Variants in ABCC11 observed in about 807,000 individuals in gnomAD.
The protein encoded by ABCC11 is ATP binding cassette subfamily C member 11.
In ABCC11, 135 loss-of-function variants were observed where a neutral mutation model predicts 149.3. That is an observed-to-expected ratio of 0.90 (90% CI 0.79 to 1.04). ABCC11 has a LOEUF of 1.04. ABCC11 is among the 50% of genes least tolerant of loss of function. ABCC11 has a pLI of 0.00. For synonymous variants in ABCC11, 665 were observed against 671.4 expected (o/e 0.99, Z 0.15); for missense variants, 1,680 against 1,722.1 (o/e 0.98, Z 0.43).
Position 48,232,852 on chromosome 16 carries a change from C to T in ABCC11, c.-18-913G>A, listed in dbSNP as rs538938895. 3.3e-5 allele frequency among the ~76,000 whole-genome samples: 5 copies of T among 152,296 alleles called. No individual in the cohort carries two copies. The South Asian group carries it at 1.0e-3, about 32-fold the overall frequency. On this transcript the variant is annotated intron_variant, in intron 1 of 29. Transcript: ENST00000356608. ...TTTTCATTTTCATTTTCATTTTGCA[C>T]TGTTACCCACAAATTATGTAGTTGG...
intron 1 of ABCC11, among the ~76,000 whole-genome samples, chr16:48,241,338 C>T (rs1970959052): frequency 6.6e-6 from 1 of 152,170 alleles, no homozygotes; most frequent in African/African-American, 2.4e-5. Context: ...TACAAAATAA[C>T]TGACTGATAT....
intron 11 of ABCC11, chr16:48,210,616 T>C (rs899029290): frequency 3.4e-6 from 1 of 291,012 alleles, no homozygotes; most frequent in South Asian, 7.0e-5. Flanking sequence ...GGATAGTGCT[T>C]GGCACATACG....
chr16:48,244,533 G>A (rs1265517673), intron 1 of ABCC11: 1 of 1,574,674 alleles, frequency 6.4e-7, no homozygotes, highest in African/African-American at 1.4e-5. Context: ...CCTTCTGAAG[G>A]GCACGTCGCT....
In ABCC11 at chr16:48,167,629, A is replaced by G. The variant is rs746552393; in HGVS notation, c.3923T>C (p.Ile1308Thr). Residue 1308 changes from isoleucine to threonine, a missense_variant, in exon 29 of 30, where the codon ATT (isoleucine) becomes ACT (threonine). Physicochemically the swap from Ile to Thr is moderately conservative, Grantham distance 89. Coordinates refer to ENST00000356608, the MANE Select transcript of ABCC11 (RefSeq NM_001370497.1). ...GATCAGGGTGTCTGTCTCCATGTCA[A>G]TGGAGGCTGTGGCTTCATCGATAAG... The part of the protein sequence containing the change: ...IILIDEATAS[I>T]DMETDTLIQR... The G allele has an allele frequency of 1.2e-6, 2 of 1,614,164 alleles. No homozygotes were observed. Among genetic ancestry groups the G allele is most frequent in the South Asian group, 1.1e-5 (1 of 91,086 alleles).
At chr16:48,167,757 T>C (rs1039234943) in intron 28 of ABCC11, 97 bp from the exon 29 acceptor site, 5 of 1,344,592 alleles carry the variant, frequency 3.7e-6, no homozygotes, top group Non-Finnish European at 5.1e-6. Flanking sequence ...GCCCTTCCTC[T>C]CCAGGTCTCC....
rs140234384 is a variant in ABCC11 at position 48,196,279 on chromosome 16, C to A, written c.2357G>T (p.Gly786Val). 4.3e-6 allele frequency: 7 copies of A among 1,614,140 alleles called. No homozygotes were observed. The highest frequency in any genetic ancestry group is 1.6e-4 in the Middle Eastern group (1 of 6,062). ...QLTQEEEMEE[G>V]SLSWRVYHHY... is the part of the protein sequence containing the mutation. ...GTGGTAGACCCTCCAACTCAAGGAG[C>A]CTTCTTCCATCTCCTCCTCCTGTGT... The change falls in exon 18 of 30, where the codon GGC becomes GTC. Residue 786 changes from glycine (G) to valine (V), a missense_variant. Transcript: ENST00000356608.
chr16:48,186,716 C>T (rs188209096), intron 22 of ABCC11, among the ~76,000 whole-genome samples: 32 of 152,218 alleles, frequency 2.1e-4, no homozygotes, highest in Admixed American at 1.9e-3. Flanking sequence ...TATATATATA[C>T]ACAATATATA....
At chr16:48,211,599 C>T (rs1172705814) in intron 10 of ABCC11, among the ~76,000 whole-genome samples, 6 of 151,962 alleles carry the variant, frequency 3.9e-5, no homozygotes, top group Non-Finnish European at 8.8e-5. Flanking sequence ...AATCCTAGCA[C>T]TTTGGGAGGC....
At chr16:48,216,420 C>T in intron 6 of ABCC11, 133 bp from the exon 7 acceptor site, 1 of 778,848 alleles carries the variant, frequency 1.3e-6, no homozygotes, top group Non-Finnish European at 2.0e-6. Context: ...GACAGACACC[C>T]CAGGTTCACA....
chr16:48,217,990 A>G (rs73542904), intron 6 of ABCC11, among the ~76,000 whole-genome samples: 21,755 of 152,164 alleles, frequency 0.14, 2,053 homozygotes, highest in African/African-American at 0.27. Context: ...AAGTTGGTGG[A>G]AAAGGATTTA....
At chr16:48,219,359 T>G (rs551311815) in intron 6 of ABCC11, among the ~76,000 whole-genome samples, 24 of 152,230 alleles carry the variant, frequency 1.6e-4, no homozygotes, top group African/African-American at 5.8e-4. Context: ...TTGGTAGAGA[T>G]GGGATTTCGC....
chr16:48,198,820 C>T (rs373307088), intron 15 of ABCC11, among the ~76,000 whole-genome samples: 1 of 151,922 alleles, frequency 6.6e-6, no homozygotes, highest in Non-Finnish European at 1.5e-5. Flanking sequence ...GGACAGATCA[C>T]GAGGTCAGGA....
intron 14 of ABCC11, among the ~76,000 whole-genome samples, chr16:48,201,475 T>A (rs1174551011): frequency 1.7e-5 from 1 of 57,378 alleles, no homozygotes; most frequent in Non-Finnish European, 3.6e-5. Flanking sequence ...TTTCTTTTTC[T>A]TTTTTTTTTT....
intron 14 of ABCC11, among the ~76,000 whole-genome samples, chr16:48,200,757 T>C (rs1392024218): frequency 6.6e-6 from 1 of 151,988 alleles, no homozygotes; most frequent in Non-Finnish European, 1.5e-5. Flanking sequence ...GAGGTGAGAA[T>C]GAAGAGAGGT....
chr16:48,244,735 C>A, intron 1 of ABCC11: 1 of 684,744 alleles, frequency 1.5e-6, no homozygotes, highest in Non-Finnish European at 2.1e-6. Flanking sequence ...GCCTTCGCGG[C>A]TCGGTTCCGC....
At chr16:48,197,421 G>A (rs915029978) in intron 17 of ABCC11, among the ~76,000 whole-genome samples, 16 of 152,168 alleles carry the variant, frequency 1.1e-4, no homozygotes, top group African/African-American at 3.4e-4. Context: ...CACTTTTGCC[G>A]AGAATTCAGA....
intron 20 of ABCC11, among the ~76,000 whole-genome samples, chr16:48,189,664 T>C (rs546407691): frequency 6.6e-6 from 1 of 152,292 alleles, no homozygotes; most frequent in African/African-American, 2.4e-5. Flanking sequence ...TTCTAGAATC[T>C]TGGAATGTGC....
intron 14 of ABCC11, among the ~76,000 whole-genome samples, chr16:48,201,069 A>G (rs1967928421): frequency 6.6e-6 from 1 of 152,228 alleles, no homozygotes. Flanking sequence ...TTGCTTCTCA[A>G]TTAATTAAAA....
chr16:48,211,960 G>T (rs748080862), intron 10 of ABCC11, among the ~76,000 whole-genome samples: 2 of 152,172 alleles, frequency 1.3e-5, no homozygotes, highest in Non-Finnish European at 2.9e-5. Flanking sequence ...GATGCTTCCT[G>T]ACATTTTGGA....
Sources: allele counts gnomAD v4.1 joint callset (sites outside exome capture counted in the v4.1 genomes callset), GRCh38; gene constraint gnomAD v4.1.1; transcripts MANE v1.5; gene names NCBI Gene and HGNC (gene_info 2026-07-23, HGNC 2026-07-21).